Variants in ANXA3 observed in about 807,000 individuals in gnomAD.
ANXA3 encodes the protein annexin A3, also known as 35-alpha calcimedin.
In ANXA3, 46 loss-of-function variants were observed where a neutral mutation model predicts 48.8. The observed-to-expected ratio is 0.94, with a 90% confidence interval of 0.74 to 1.21. ANXA3 has a LOEUF of 1.21. ANXA3 is among the 50% of genes most tolerant of loss of function. The pLI, the probability that ANXA3 is intolerant of heterozygous loss-of-function variation, is 0.00. For missense variants in ANXA3, 383 were observed against 378.6 expected (o/e 1.01, Z -0.10); for synonymous variants, 128 against 134.7 (o/e 0.95, Z 0.35).
In ANXA3 at chr4:78,610,052, G is replaced by T. The variant is rs376666119; in HGVS notation, c.913-4G>T. On this transcript the variant is annotated splice_polypyrimidine_tract_variant and splice_region_variant and intron_variant, in intron 12 of 12. Coordinates refer to ENST00000264908, the MANE Select transcript of ANXA3 (RefSeq NM_005139.3). Reference sequence around the variant, plus strand: ...TTGTTCTTCATTGATTTTATTCTTTGCAGTCGGATACTTCTGGAGACTATG... The same window carrying T: ...TTGTTCTTCATTGATTTTATTCTTTTCAGTCGGATACTTCTGGAGACTATG... The T allele has an allele frequency of 4.4e-6, 7 of 1,601,366 alleles. No individual in the cohort carries two copies. In the African/African-American group the frequency reaches 9.4e-5, roughly 21 times the overall value.
intron 5 of ANXA3, 147 bp downstream of exon 5, chr4:78,582,437 G>A (rs1723091930): frequency 3.5e-6 from 2 of 570,360 alleles, no homozygotes; most frequent in Non-Finnish European, 6.4e-6. Flanking sequence ...TCTGAAATAG[G>A]CAACAGCTAT....
At chr4:78,609,927 G>A in intron 12 of ANXA3, 129 bp from the exon 13 acceptor site, 1 of 491,230 alleles carries the variant, frequency 2.0e-6, no homozygotes, top group Non-Finnish European at 3.6e-6. Flanking sequence ...TTGCAGGTAT[G>A]TTTTACTAAA....
At chr4:78,563,877 G>A (rs897163528) in intron 2 of ANXA3, among the ~76,000 whole-genome samples, 2 of 152,072 alleles carry the variant, frequency 1.3e-5, no homozygotes, top group African/African-American at 4.8e-5. Context: ...GACGTCTCCC[G>A]CAGAAGTTAC....
In ANXA3 at chr4:78,558,030, TATTC is replaced by T. The variant is rs769206470; in HGVS notation, c.15+3544_15+3547del. Among the ~76,000 whole-genome samples, 3 of 152,242 alleles carry T rather than the reference TATTC, an allele frequency of 2.0e-5. No homozygotes were observed. In the East Asian group the frequency reaches 5.8e-4, roughly 29 times the overall value. On this transcript the variant is annotated intron_variant, in intron 2 of 12. Coordinates refer to ENST00000264908, the MANE Select transcript of ANXA3 (RefSeq NM_005139.3). ...GCGGTACACACACACAATGGAATAT[TATTC>T]AGTCTTTTAAAAACACATGTTGTGT...
intron 2 of ANXA3, among the ~76,000 whole-genome samples, chr4:78,569,939 G>T (rs923116520): frequency 2.2e-4 from 33 of 152,140 alleles, no homozygotes; most frequent in Admixed American, 2.1e-3. Context: ...CCTCATGAAG[G>T]CTCTTGTAAG....
chr4:78,577,670 C>A (rs910103713), intron 3 of ANXA3, among the ~76,000 whole-genome samples: 1 of 152,176 alleles, frequency 6.6e-6, no homozygotes, highest in African/African-American at 2.4e-5. Context: ...AAGCTGTGTA[C>A]CACTGCCACG....
In ANXA3 at chr4:78,554,505, C is replaced by A. The variant is rs1354001616; in HGVS notation, c.15+17C>A. The A allele has an allele frequency of 9.3e-6, 15 of 1,611,562 alleles. No homozygotes were observed. Among genetic ancestry groups the A allele is most frequent in the Non-Finnish European group, 1.3e-5 (15 of 1,178,272 alleles). On this transcript the variant is annotated intron_variant, in intron 2 of 12. Transcript: ENST00000264908. ...TCTATCTGGGTAAGTAAAAATTAAG[C>A]CTTCACAACACAGTAACATATATGA...
rs1220106430 is a variant in ANXA3, at chr4:78,578,298, CGAGAGAGAGA to C, written c.104-706_104-697del. 6.1e-3 allele frequency among the ~76,000 whole-genome samples: 286 copies of C among 46,514 alleles called. 3 individuals carry two copies. The highest frequency in any genetic ancestry group is 0.021 in the African/African-American group (264 of 12,622). The allele number at this position is 46,514 out of a possible 152,430, so 30.5% of individuals were successfully genotyped here. ...GAAAGGGCGAAGGGGAGAGAGAGAG[CGAGAGAGAGA>C]GAGAGAGAGAGAGAGAGAGAGAAAG... On this transcript the variant is annotated intron_variant, in intron 3 of 12. Transcript: ENST00000264908.
intron 10 of ANXA3, among the ~76,000 whole-genome samples, chr4:78,601,252 G>A (rs1034336423): frequency 1.3e-5 from 2 of 152,180 alleles, no homozygotes; most frequent in African/African-American, 4.8e-5. Context: ...GTCGCTGTGG[G>A]AGTTTCTTTG....
chr4:78,595,868 C>A lies in ANXA3; in HGVS notation c.615C>A (p.Ser205Arg), dbSNP rs1387200254. Residue 205 changes from serine (S) to arginine (R), a missense_variant, in exon 9 of 13, where the codon AGC becomes AGA. By Grantham distance (110) the Ser-to-Arg change is moderately radical. Coordinates refer to ENST00000264908, the MANE Select transcript of ANXA3 (RefSeq NM_005139.3). Reference sequence around the variant, plus strand: ...TCACTGAGATCCTGTGTTTAAGGAGCTTTCCTCAATTAAAACTAAGTACAA... The same window carrying A: ...TCACTGAGATCCTGTGTTTAAGGAGATTTCCTCAATTAAAACTAAGTACAA... ...DKFTEILCLR[S>R]FPQLKLTFDE... 2.9e-5 allele frequency: 46 copies of A among 1,608,042 alleles called. No individual in the cohort carries two copies. Among genetic ancestry groups the A allele is most frequent in the Non-Finnish European group, 3.7e-5 (44 of 1,174,788 alleles).
chr4:78,609,379 G>T (rs934601738), intron 12 of ANXA3, among the ~76,000 whole-genome samples: 1 of 152,110 alleles, frequency 6.6e-6, no homozygotes, highest in African/African-American at 2.4e-5. Context: ...TTACAAACTT[G>T]GTATCTTTGC....
chr4:78,571,725 T>C (rs1560442896), intron 2 of ANXA3, among the ~76,000 whole-genome samples: 1 of 152,248 alleles, frequency 6.6e-6, no homozygotes, highest in African/African-American at 2.4e-5. Flanking sequence ...TACGTTTACT[T>C]TGATTTTTCT....
Position 78,596,784 on chromosome 4 carries a change from T to C in ANXA3, c.635-535T>C, listed in dbSNP as rs76618755. ...AAAAATATACTTGGCTTACAAAATATGCCTGTATACTTGGTGACATATGTA... is the reference window on the plus strand; with the variant it reads ...AAAAATATACTTGGCTTACAAAATACGCCTGTATACTTGGTGACATATGTA... On this transcript the variant is annotated intron_variant, in intron 9 of 12. Transcript: ENST00000264908. Among the ~76,000 whole-genome samples the C allele has an allele frequency of 3.7e-3, 564 of 152,316 alleles. 1 individual carries two copies. The highest frequency in any genetic ancestry group is 5.6e-3 in the Non-Finnish European group (380 of 68,020).
At chr4:78,556,689 T>G (rs1251444287) in intron 2 of ANXA3, among the ~76,000 whole-genome samples, 1 of 152,166 alleles carries the variant, frequency 6.6e-6, no homozygotes, top group African/African-American at 2.4e-5. Flanking sequence ...CTCTCATCTT[T>G]CATCTGAAAT....
chr4:78,578,266 A>G lies in ANXA3; in HGVS notation c.104-761A>G, dbSNP rs114424007. Among the ~76,000 whole-genome samples, 1,058 of 144,022 alleles carry G rather than the reference A, an allele frequency of 7.3e-3. 13 individuals carry two copies. Among genetic ancestry groups the G allele is most frequent in the African/African-American group, 0.026 (1,021 of 39,174 alleles). 94.5% of individuals were successfully genotyped at this position (144,022 alleles called of 152,430 possible). A position where few individuals can be genotyped will look rare whatever the true frequency, so the allele number is the denominator to read the frequency against. On this transcript the variant is annotated intron_variant, in intron 3 of 12. Coordinates refer to ENST00000264908, the MANE Select transcript of ANXA3 (RefSeq NM_005139.3). The stretch of plus-strand genomic sequence containing the variant: ...ATTGCACTGCAGCCTGGGCAACGAG[A>G]GAGAGAGAAAGGGCGAAGGGGAGAG...
chr4:78,579,212 GGCT>G, intron 4 of ANXA3, 91 bp downstream of exon 4: 1 of 844,034 alleles, frequency 1.2e-6, no homozygotes, highest in Admixed American at 2.0e-5. Flanking sequence ...TTCTGTTTCA[GGCT>G]GAGTGTAACA....
At chr4:78,600,501 A>G (rs1007539535) in intron 10 of ANXA3, among the ~76,000 whole-genome samples, 7 of 152,186 alleles carry the variant, frequency 4.6e-5, no homozygotes, top group African/African-American at 1.4e-4. Flanking sequence ...GGCTTACTTA[A>G]TGTGAGTTTT....
intron 2 of ANXA3, 84 bp downstream of exon 2, chr4:78,554,572 T>G: frequency 7.9e-7 from 1 of 1,272,104 alleles, no homozygotes; most frequent in East Asian, 2.3e-5. Context: ...AAGGAAAATT[T>G]TAGGAAAGTT....
intron 2 of ANXA3, among the ~76,000 whole-genome samples, chr4:78,555,685 A>C (rs1578388681): frequency 6.6e-6 from 1 of 151,870 alleles, no homozygotes; most frequent in African/African-American, 2.4e-5. Flanking sequence ...AAAAAAAAAA[A>C]AAAAAAACTT....
Sources: gnomAD v4.1 joint callset for allele counts (sites outside exome capture counted in the v4.1 genomes callset) on GRCh38, gnomAD v4.1.1 for gene constraint, MANE v1.5 for transcripts, NCBI Gene and HGNC (gene_info 2026-07-23, HGNC 2026-07-21) for gene names.